Variants in AADACL4 observed in about 807,000 individuals in gnomAD.
The protein encoded by AADACL4 is arylacetamide deacetylase-like 4.
Under a neutral mutation model 14.1 loss-of-function variants are expected in AADACL4, and 9 were observed. The ratio of observed to expected loss-of-function variants is 0.64; its 90% CI spans 0.39 to 1.12. The LOEUF (loss-of-function observed/expected upper bound fraction) is 1.12, where lower values mean the gene tolerates loss of function less well. Among genes scored for constraint, AADACL4 ranks in the 50% most tolerant of loss-of-function variants. The pLI is 0.01. For missense variants in AADACL4, 531 were observed against 516.1 expected (o/e 1.03, Z -0.28); for synonymous variants, 188 against 201.6 (o/e 0.93, Z 0.57).
chr1:12,646,340 C>T (rs74057607), intron 1 of AADACL4, among the ~76,000 whole-genome samples: 11,478 of 152,250 alleles, frequency 0.075, 693 homozygotes, highest in African/African-American at 0.17. Flanking sequence ...GTTAATATGT[C>T]TAGAGATGTT....
rs754015404 is a variant in AADACL4, at chr1:12,666,492, A to G, written c.981A>G (p.Ile327Met). Residue 327 changes from isoleucine (I) to methionine (M), a missense_variant, in exon 4 of 4, where the codon ATA becomes ATG. By Grantham distance (10) the Ile-to-Met change is conservative. Transcript: ENST00000376221. ...TGGATGTAGAAAATTCACCCCTGAT[A>G]GCAGATGATGAGGTCATCGCTCAGC... ...HMLDVENSPL[I>M]ADDEVIAQLP... 2.4e-5 allele frequency: 38 copies of G among 1,614,106 alleles called. No homozygotes were observed. The highest frequency in any genetic ancestry group is 1.6e-4 in the Middle Eastern group (1 of 6,084).
rs181814104 is a variant in AADACL4, at chr1:12,649,167, G to A, written c.169-1956G>A. Reference sequence around the variant, plus strand: ...CACTGCACTCCAACCTGGGCAACAGGGTACTGAGGGCCTCCAAGAAGGCAG... The same window carrying A: ...CACTGCACTCCAACCTGGGCAACAGAGTACTGAGGGCCTCCAAGAAGGCAG... On this transcript the variant is annotated intron_variant, in intron 1 of 3. Transcript: ENST00000376221. 1.6e-3 allele frequency among the ~76,000 whole-genome samples: 251 copies of A among 152,310 alleles called. 1 individual carries two copies. Among genetic ancestry groups the A allele is most frequent in the African/African-American group, 5.8e-3 (243 of 41,568 alleles).
chr1:12,652,202 C>A (rs1647152756), intron 2 of AADACL4, among the ~76,000 whole-genome samples: 1 of 152,128 alleles, frequency 6.6e-6, no homozygotes, highest in South Asian at 2.1e-4. Context: ...TTCCATGAAA[C>A]CCAGACTCCT....
intron 2 of AADACL4, 135 bp from the exon 3 acceptor site, chr1:12,661,656 A>G (rs576414593): frequency 7.6e-6 from 7 of 915,678 alleles, no homozygotes; most frequent in Non-Finnish European, 1.2e-5. Flanking sequence ...CTGTCCAGGC[A>G]GAGGAGGCAA....
In AADACL4 at chr1:12,651,130, T is replaced by C. The variant is rs1343817270; in HGVS notation, c.176T>C (p.Ile59Thr). 4 of 1,613,990 alleles carry C rather than the reference T, an allele frequency of 2.5e-6. No individual in the cohort carries two copies. In the African/African-American group the frequency reaches 5.3e-5, roughly 22 times the overall value. Residue 59 changes from isoleucine to threonine, a missense_variant, in exon 2 of 4, where the codon ATA (isoleucine) becomes ACA (threonine). By Grantham distance (89) the Ile-to-Thr change is moderately conservative. Coordinates refer to ENST00000376221, the MANE Select transcript of AADACL4 (RefSeq NM_001013630.2). Reference sequence around the variant, plus strand: ...TTTTGTTACCTCCAACAGGGGAATATATTTGAGAAGCTGGGAATTTGCTCC... The same window carrying C: ...TTTTGTTACCTCCAACAGGGGAATACATTTGAGAAGCTGGGAATTTGCTCC... ...IFLYLVTLGNIFEKLGICSMP... is the reference protein window; with the variant it reads ...IFLYLVTLGNTFEKLGICSMP...
intron 2 of AADACL4, among the ~76,000 whole-genome samples, chr1:12,660,347 A>C (rs1647216705): frequency 6.6e-6 from 1 of 152,112 alleles, no homozygotes; most frequent in South Asian, 2.1e-4. Flanking sequence ...TGTATGGCTG[A>C]GTGTTGTGGG....
At chr1:12,658,116 C>CT (rs1647195534) in intron 2 of AADACL4, among the ~76,000 whole-genome samples, 2 of 70,396 alleles carry the variant, frequency 2.8e-5, no homozygotes, top group African/African-American at 1.4e-4. Context: ...TCTTTCCTTC[C>CT]TTCCTTCCTT....
At chr1:12,646,765 C>T (rs901714000) in intron 1 of AADACL4, among the ~76,000 whole-genome samples, 3 of 152,314 alleles carry the variant, frequency 2.0e-5, no homozygotes, top group Non-Finnish European at 2.9e-5. Context: ...GGTCTGCAGC[C>T]GCTGAAAGGG....
chr1:12,659,130 A>G (rs1040890277), intron 2 of AADACL4, among the ~76,000 whole-genome samples: 2 of 152,312 alleles, frequency 1.3e-5, no homozygotes, highest in East Asian at 3.9e-4. Context: ...CTCCCGGTAC[A>G]TAACTTCCCC....
rs759631861 is a variant in AADACL4 at position 12,666,649 on chromosome 1, A to G, written c.1138A>G (p.Ile380Val). 6.2e-7 allele frequency: 1 copy of G among 1,614,160 alleles called. No individual in the cohort carries two copies. Among genetic ancestry groups the G allele is most frequent in the South Asian group, 1.1e-5 (1 of 91,080 alleles). ...CCTGTATGATGGTTTTCACGGATCC[A>G]TTATCTTTTTTGATAAGAAGGCTCT... is the stretch of plus-strand genomic sequence containing the variant. ...YHLYDGFHGS[I>V]IFFDKKALSF... The change falls in exon 4 of 4, where the codon ATT becomes GTT. Residue 380 changes from isoleucine (I) to valine (V), a missense_variant. Transcript: ENST00000376221.
At position 12,666,601 on chromosome 1, in the gene AADACL4, G is replaced by C. The variant is rs1412618419; in HGVS notation, c.1090G>C (p.Gly364Arg). 4 of 1,614,200 alleles carry C rather than the reference G, an allele frequency of 2.5e-6. No individual in the cohort carries two copies. In the Admixed American group the frequency reaches 6.7e-5, roughly 27 times the overall value. ...CTATAAGAAGCGCTTGGAGGACCAG[G>C]GGGTCCGCGTGACATGGTACCACCT... ...LLYKKRLEDQ[G>R]VRVTWYHLYD... The change falls in exon 4 of 4, where the codon GGG becomes CGG. Residue 364 changes from glycine (G) to arginine (R), a missense_variant. Coordinates refer to ENST00000376221, the MANE Select transcript of AADACL4 (RefSeq NM_001013630.2).
chr1:12,649,107 T>C (rs996552490), intron 1 of AADACL4, among the ~76,000 whole-genome samples: 2 of 152,122 alleles, frequency 1.3e-5, no homozygotes, highest in African/African-American at 4.8e-5. Flanking sequence ...AAAGAAATCT[T>C]TGGAGGCAGA....
chr1:12,649,884 C>T (rs1013656389), intron 1 of AADACL4, among the ~76,000 whole-genome samples: 7 of 152,188 alleles, frequency 4.6e-5, no homozygotes, highest in African/African-American at 1.7e-4. Flanking sequence ...GCTCTGAAAC[C>T]CAAGCTCTTT....
chr1:12,655,403 C>T (rs998699718), intron 2 of AADACL4, among the ~76,000 whole-genome samples: 11 of 151,920 alleles, frequency 7.2e-5, no homozygotes, highest in African/African-American at 2.7e-4. Flanking sequence ...AACCTCAGGC[C>T]TCTTCAGTTC....
chr1:12,664,199 G>A (rs562781564), intron 3 of AADACL4, among the ~76,000 whole-genome samples: 1 of 152,078 alleles, frequency 6.6e-6, no homozygotes, highest in South Asian at 2.1e-4. Flanking sequence ...TTATACAATG[G>A]GGCTCTCATA....
intron 3 of AADACL4, among the ~76,000 whole-genome samples, chr1:12,663,868 C>T (rs758413361): frequency 1.1e-4 from 16 of 151,994 alleles, no homozygotes; most frequent in Non-Finnish European, 1.6e-4. Flanking sequence ...GAACCTGCTT[C>T]GATAACATTG....
chr1:12,658,182 T>TTCTC (rs1363429317), intron 2 of AADACL4, among the ~76,000 whole-genome samples: 45 of 146,298 alleles, frequency 3.1e-4, no homozygotes, highest in African/African-American at 1.1e-3. Context: ...CTTTCTCTCT[T>TTCTC]TCTTTCTCTC....
intron 2 of AADACL4, among the ~76,000 whole-genome samples, chr1:12,660,381 G>A (rs998277348): frequency 1.3e-5 from 2 of 152,104 alleles, no homozygotes; most frequent in African/African-American, 2.4e-5. Context: ...TGCACCCAAG[G>A]CGATGTCTTG....
chr1:12,658,474 G>T (rs922932959), intron 2 of AADACL4, among the ~76,000 whole-genome samples: 1 of 152,146 alleles, frequency 6.6e-6, no homozygotes, highest in Non-Finnish European at 1.5e-5. Context: ...GGCCAAGCTG[G>T]TGTCGAACTC....
Sources: allele counts gnomAD v4.1 joint callset (sites outside exome capture counted in the v4.1 genomes callset), GRCh38; gene constraint gnomAD v4.1.1; transcripts MANE v1.5; gene names NCBI Gene and HGNC (gene_info 2026-07-23, HGNC 2026-07-21).